CNTNAP2: variants seen among roughly 807,000 people sequenced by gnomAD.
CNTNAP2 encodes contactin-associated protein-like 2.
Under a neutral mutation model 155.2 loss-of-function variants are expected in CNTNAP2, and 98 were observed. The observed-to-expected ratio is 0.63, with a 90% CI of 0.54 to 0.75. The LOEUF (loss-of-function observed/expected upper bound fraction) is 0.75, where lower values mean the gene tolerates loss of function less well. CNTNAP2 is among the 30% of genes least tolerant of loss of function. The pLI is 0.00. For synonymous variants in CNTNAP2, 651 were observed against 631.2 expected, an observed-to-expected ratio of 1.03 and a Z score of -0.47; for missense variants, 1,727 against 1,688.1, an observed-to-expected ratio of 1.02 and a Z score of -0.40.
At chr7:147,038,122 C>T (rs1487087017) in intron 3 of CNTNAP2, among the ~76,000 whole-genome samples, 3 of 152,216 alleles carry the variant, frequency 2.0e-5, no homozygotes, top group South Asian at 2.1e-4. Flanking sequence ...TGCCACTGTA[C>T]TCTAGCCTGG....
chr7:146,276,577 A>C (rs180999886), intron 1 of CNTNAP2, among the ~76,000 whole-genome samples: 1 of 152,286 alleles, frequency 6.6e-6, no homozygotes, highest in Non-Finnish European at 1.5e-5. Flanking sequence ...ACTTGTGTGG[A>C]AGTTCCTGAA....
At chr7:147,101,794 G>A (rs751693297) in intron 4 of CNTNAP2, among the ~76,000 whole-genome samples, 6 of 152,040 alleles carry the variant, frequency 3.9e-5, no homozygotes, top group East Asian at 3.9e-4. Context: ...CTGCTGTGCC[G>A]CTCTTCTGTT....
At chr7:146,742,136 T>C (rs1182652771) in intron 1 of CNTNAP2, among the ~76,000 whole-genome samples, 1 of 152,186 alleles carries the variant, frequency 6.6e-6, no homozygotes, top group Non-Finnish European at 1.5e-5. Flanking sequence ...GGCATTTTTG[T>C]CCATCTGCCT....
intron 1 of CNTNAP2, among the ~76,000 whole-genome samples, chr7:146,453,998 T>G (rs1043886956): frequency 6.6e-6 from 1 of 152,078 alleles, no homozygotes; most frequent in African/African-American, 2.4e-5. Context: ...CGATGAAAAC[T>G]ATCAATTAAA....
At chr7:148,133,212 A>G (rs968160663) in intron 16 of CNTNAP2, among the ~76,000 whole-genome samples, 17 of 152,180 alleles carry the variant, frequency 1.1e-4, no homozygotes, top group African/African-American at 3.9e-4. Context: ...CCTGTAGTCC[A>G]GTACTTTGGA....
chr7:146,431,556 G>T (rs1265533813), intron 1 of CNTNAP2, among the ~76,000 whole-genome samples: 1 of 151,962 alleles, frequency 6.6e-6, no homozygotes, highest in Non-Finnish European at 1.5e-5. Flanking sequence ...CGTACTATTT[G>T]CCAGGCATAT....
At chr7:147,909,715 C>G (rs572687221) in intron 14 of CNTNAP2, among the ~76,000 whole-genome samples, 3 of 152,142 alleles carry the variant, frequency 2.0e-5, no homozygotes, top group Non-Finnish European at 4.4e-5. Context: ...ACTCAATGAG[C>G]TAAATCACCA....
intron 1 of CNTNAP2, among the ~76,000 whole-genome samples, chr7:146,133,173 G>T (rs1797743268): frequency 6.6e-6 from 1 of 151,938 alleles, no homozygotes; most frequent in Non-Finnish European, 1.5e-5. Flanking sequence ...GTGATGATGA[G>T]CATTTTTTCA....
intron 1 of CNTNAP2, among the ~76,000 whole-genome samples, chr7:146,306,424 C>A (rs181022832): frequency 6.6e-6 from 1 of 152,222 alleles, no homozygotes; most frequent in Admixed American, 6.5e-5. Context: ...GATAACAAAG[C>A]CTGGCAGAAA....
At chr7:146,654,591 G>A (rs896454252) in intron 1 of CNTNAP2, among the ~76,000 whole-genome samples, 6 of 152,136 alleles carry the variant, frequency 3.9e-5, no homozygotes, top group Non-Finnish European at 8.8e-5. Flanking sequence ...ACTTGGGGCT[G>A]CATAATTTGT....
chr7:146,629,157 T>A (rs1799468560), intron 1 of CNTNAP2, among the ~76,000 whole-genome samples: 1 of 152,166 alleles, frequency 6.6e-6, no homozygotes, highest in Non-Finnish European at 1.5e-5. Flanking sequence ...TGTCATATGC[T>A]CCAAATTGTG....
intron 3 of CNTNAP2, among the ~76,000 whole-genome samples, chr7:146,911,636 C>T (rs1301327946): frequency 3.1e-5 from 4 of 128,862 alleles, no homozygotes; most frequent in Non-Finnish European, 6.2e-5. Flanking sequence ...AAGGGGAGTA[C>T]CACACTCTGG....
chr7:148,115,128 T>G (rs1380558650), intron 15 of CNTNAP2, among the ~76,000 whole-genome samples: 2 of 152,212 alleles, frequency 1.3e-5, no homozygotes. Context: ...GAGATCAAAT[T>G]AGATTGAAGT....
intron 13 of CNTNAP2, among the ~76,000 whole-genome samples, chr7:147,644,288 A>C (rs936408743): frequency 1.3e-5 from 2 of 152,198 alleles, no homozygotes; most frequent in African/African-American, 4.8e-5. Context: ...GGGCTAAATT[A>C]GTGAACAGTG....
chr7:147,879,517 C>T (rs891210174), intron 13 of CNTNAP2, among the ~76,000 whole-genome samples: 1 of 151,896 alleles, frequency 6.6e-6, no homozygotes, highest in Non-Finnish European at 1.5e-5. Context: ...TAAACAAGGG[C>T]AGGCACAGTC....
chr7:146,827,619 C>T (rs777941784), intron 2 of CNTNAP2, among the ~76,000 whole-genome samples: 1 of 151,718 alleles, frequency 6.6e-6, no homozygotes, highest in Non-Finnish European at 1.5e-5. Flanking sequence ...ATTAACTATG[C>T]TATTTCCAAA....
At chr7:147,523,254 G>A (rs1172342087) in intron 11 of CNTNAP2, among the ~76,000 whole-genome samples, 1 of 152,156 alleles carries the variant, frequency 6.6e-6, no homozygotes, top group Non-Finnish European at 1.5e-5. Context: ...CCTCGTCATG[G>A]GGCTGACCAC....
At chr7:148,347,261 A>C (rs546703522) in intron 21 of CNTNAP2, among the ~76,000 whole-genome samples, 1 of 152,208 alleles carries the variant, frequency 6.6e-6, no homozygotes, top group South Asian at 2.1e-4. Flanking sequence ...CGTCTCAAAA[A>C]AAAAAAAAAG....
At chr7:148,026,348 G>A (rs1001485606) in intron 15 of CNTNAP2, among the ~76,000 whole-genome samples, 8 of 152,078 alleles carry the variant, frequency 5.3e-5, no homozygotes, top group African/African-American at 1.7e-4. Flanking sequence ...CTACTCAGGA[G>A]GCTGAGGTGG....
Sources: allele counts gnomAD v4.1 joint callset (sites outside exome capture counted in the v4.1 genomes callset), GRCh38; gene constraint gnomAD v4.1.1; transcripts MANE v1.5; gene names NCBI Gene and HGNC (gene_info 2026-07-23, HGNC 2026-07-21).